ADAMTSL1: variants seen among roughly 807,000 people sequenced by gnomAD.
ADAMTSL1 encodes ADAMTS-like protein 1.
ADAMTSL1 carries 126 observed loss-of-function variants against 201.8 expected under a neutral mutation model. The ratio of observed to expected loss-of-function variants is 0.62; its 90% confidence interval spans 0.54 to 0.72. The LOEUF is 0.72. Among genes scored for constraint, ADAMTSL1 ranks in the 30% least tolerant of loss-of-function variants. The pLI, the probability that ADAMTSL1 is intolerant of heterozygous loss-of-function variation, is 0.00. For missense variants in ADAMTSL1, 2,679 were observed against 2,277.8 expected, an observed-to-expected ratio of 1.18 and a Z score of -3.59; for synonymous variants, 1,121 against 903.4, an observed-to-expected ratio of 1.24 and a Z score of -4.32.
At chr9:18,655,371 A>G (rs1032355713) in intron 7 of ADAMTSL1, among the ~76,000 whole-genome samples, 2 of 152,206 alleles carry the variant, frequency 1.3e-5, no homozygotes, top group African/African-American at 4.8e-5. Flanking sequence ...AATTAGAAAC[A>G]CTGAAACATT....
intron 2 of ADAMTSL1, among the ~76,000 whole-genome samples, chr9:18,403,758 C>A (rs1224334700): frequency 1.3e-5 from 2 of 152,180 alleles, no homozygotes; most frequent in Non-Finnish European, 2.9e-5. Flanking sequence ...CTCTGACTGG[C>A]ATGATCTTGT....
intron 20 of ADAMTSL1, among the ~76,000 whole-genome samples, chr9:18,812,518 G>A (rs761011127): frequency 2.0e-5 from 3 of 152,076 alleles, no homozygotes; most frequent in Admixed American, 1.3e-4. Context: ...TCAGGACCTA[G>A]ATCTAAGTAA....
intron 3 of ADAMTSL1, among the ~76,000 whole-genome samples, chr9:18,560,728 A>T (rs1274495455): frequency 2.6e-5 from 4 of 151,352 alleles, no homozygotes; most frequent in African/African-American, 9.7e-5. Context: ...TTCCTGGTTT[A>T]GTCTTGGGAG....
At chr9:18,599,730 A>C (rs1319002980) in intron 4 of ADAMTSL1, among the ~76,000 whole-genome samples, 1 of 151,810 alleles carries the variant, frequency 6.6e-6, no homozygotes, top group Non-Finnish European at 1.5e-5. Context: ...TGCACCCATC[A>C]TGGGCTTCTG....
chr9:18,808,286 T>A (rs1477688723), intron 20 of ADAMTSL1, among the ~76,000 whole-genome samples: 1 of 152,222 alleles, frequency 6.6e-6, no homozygotes, highest in Non-Finnish European at 1.5e-5. Context: ...TCAAAATATA[T>A]GCTAACGTTT....
chr9:18,307,012 A>G (rs762888929), intron 2 of ADAMTSL1, among the ~76,000 whole-genome samples: 1 of 152,232 alleles, frequency 6.6e-6, no homozygotes, highest in Non-Finnish European at 1.5e-5. Flanking sequence ...GAAACCCTAC[A>G]AGCCAGAATA....
chr9:18,891,679 T>G (rs1023147521), intron 25 of ADAMTSL1, among the ~76,000 whole-genome samples: 4 of 152,222 alleles, frequency 2.6e-5, no homozygotes, highest in Non-Finnish European at 1.5e-5. Context: ...GAGATGGAAC[T>G]TTACCTGTTT....
chr9:18,630,760 T>C (rs1048913103), intron 5 of ADAMTSL1, among the ~76,000 whole-genome samples: 3 of 152,212 alleles, frequency 2.0e-5, no homozygotes, highest in African/African-American at 7.2e-5. Flanking sequence ...TGTTAGTTCA[T>C]CTTTGTCAGA....
chr9:18,117,207 C>T (rs1450844469), intron 1 of ADAMTSL1, among the ~76,000 whole-genome samples: 1 of 152,182 alleles, frequency 6.6e-6, no homozygotes, highest in Non-Finnish European at 1.5e-5. Context: ...GCAGTCAAAG[C>T]AGTTCAGTAA....
intron 23 of ADAMTSL1, among the ~76,000 whole-genome samples, chr9:18,848,883 C>T (rs12000695): frequency 4.7e-4 from 71 of 152,318 alleles, no homozygotes; most frequent in African/African-American, 1.4e-3. Context: ...ATTTTGCACT[C>T]GGGCCATTCC....
Position 18,701,420 on chromosome 9 carries a change from A to T in ADAMTSL1, c.1575-5327A>T, listed in dbSNP as rs1831916617. 2.6e-5 allele frequency among the ~76,000 whole-genome samples: 4 copies of T among 152,102 alleles called. No individual in the cohort carries two copies. In the South Asian group the frequency reaches 8.3e-4, roughly 32 times the overall value. ...TTTTTAGTAGAGACAGGGTTTCGCC[A>T]TGTTGGCCAGGTTGGTCTCAAACTC... On this transcript the variant is annotated intron_variant, in intron 13 of 28. Coordinates refer to ENST00000380548, the MANE Select transcript of ADAMTSL1 (RefSeq NM_001040272.6).
chr9:18,151,795 A>T (rs941693294), intron 1 of ADAMTSL1, among the ~76,000 whole-genome samples: 1 of 152,024 alleles, frequency 6.6e-6, no homozygotes, highest in African/African-American at 2.4e-5. Flanking sequence ...GATAAATAAT[A>T]ATATGCTGTG....
chr9:17,974,838 A>G (rs1818377295), intron 1 of ADAMTSL1, among the ~76,000 whole-genome samples: 1 of 152,038 alleles, frequency 6.6e-6, no homozygotes, highest in Non-Finnish European at 1.5e-5. Flanking sequence ...TGCAATGAAC[A>G]TGGGGTTCTT....
intron 1 of ADAMTSL1, among the ~76,000 whole-genome samples, chr9:18,031,467 C>A (rs1000681240): frequency 1.3e-5 from 2 of 152,012 alleles, no homozygotes; most frequent in Admixed American, 6.6e-5. Flanking sequence ...GTTTTACAGG[C>A]TTTTGGGTGC....
At chr9:18,543,853 G>C (rs1010599836) in intron 3 of ADAMTSL1, among the ~76,000 whole-genome samples, 9 of 151,908 alleles carry the variant, frequency 5.9e-5, no homozygotes, top group African/African-American at 1.5e-4. Context: ...CTCTCCTCTC[G>C]GCCTTCTTCT....
At chr9:18,666,488 C>T (rs1242438058) in intron 9 of ADAMTSL1, among the ~76,000 whole-genome samples, 1 of 152,158 alleles carries the variant, frequency 6.6e-6, no homozygotes. Flanking sequence ...CACCCTCCTG[C>T]ATGTCAGGGA....
intron 2 of ADAMTSL1, among the ~76,000 whole-genome samples, chr9:18,459,232 A>G (rs1418896334): frequency 6.6e-6 from 1 of 152,208 alleles, no homozygotes; most frequent in Admixed American, 6.5e-5. Context: ...CTTATGTTAT[A>G]GTGAAATATA....
intron 1 of ADAMTSL1, among the ~76,000 whole-genome samples, chr9:18,061,653 A>G (rs891681087): frequency 6.6e-6 from 1 of 152,224 alleles, no homozygotes; most frequent in Non-Finnish European, 1.5e-5. Flanking sequence ...GGATTTTGCT[A>G]TGTGCAGTAT....
rs190172865 is a variant in ADAMTSL1, at chr9:18,572,752, A to G, written c.238-1278A>G. Among the ~76,000 whole-genome samples the G allele has an allele frequency of 2.0e-5, 3 of 152,332 alleles. No individual in the cohort carries two copies. In the East Asian group the frequency reaches 5.8e-4, roughly 29 times the overall value. On this transcript the variant is annotated intron_variant, in intron 3 of 28. Transcript: ENST00000380548. ...CAGTGCTGTTTTAGAATGCTTATTT[A>G]AAGGTAAAGAGATTTTTCAGAGAAA...
Sources: gnomAD v4.1 joint callset for allele counts (sites outside exome capture counted in the v4.1 genomes callset) on GRCh38, gnomAD v4.1.1 for gene constraint, MANE v1.5 for transcripts, NCBI Gene and HGNC (gene_info 2026-07-23, HGNC 2026-07-21) for gene names.